The following OR1J2 variants were observed in gnomAD, a reference collection of about 807,000 sequenced individuals.
OR1J2 encodes the protein olfactory receptor family 1 subfamily J member 2, also known as olfactory receptor 1J2.
For missense variants in OR1J2, 304 were observed against 246.1 expected, an observed-to-expected ratio of 1.24 and a Z score of -1.57; for synonymous variants, 142 against 99.7, an observed-to-expected ratio of 1.42 and a Z score of -2.52.
the OR1J2 span, among the ~76,000 whole-genome samples, chr9:122,467,598 T>G: frequency 2.6e-5 from 4 of 152,292 alleles, no homozygotes; most frequent in African/African-American, 7.2e-5. Context: ...TACCTCTTAT[T>G]AAAATCCAGA....
At chr9:122,520,111 G>A in the OR1J2 span, 1 of 1,520,418 alleles carries the variant, frequency 6.6e-7, no homozygotes, top group Non-Finnish European at 9.0e-7. Flanking sequence ...ACAGACATAT[G>A]TACTGACCTA....
the OR1J2 span, among the ~76,000 whole-genome samples, chr9:122,454,538 C>T: frequency 6.6e-6 from 1 of 152,046 alleles, no homozygotes; most frequent in Non-Finnish European, 1.5e-5. Flanking sequence ...AGTCACCTTC[C>T]TTTCCAGGTA....
chr9:122,556,779 T>C, the OR1J2 span, among the ~76,000 whole-genome samples: 1 of 152,342 alleles, frequency 6.6e-6, no homozygotes, highest in Non-Finnish European at 1.5e-5. Flanking sequence ...TTTGTTGATA[T>C]CCACAAAGTA....
At chr9:122,508,575 A>G (rs962870718), upstream of OR1J2, among the ~76,000 whole-genome samples, 1 of 152,204 alleles carries the variant, frequency 6.6e-6, no homozygotes, top group Non-Finnish European at 1.5e-5. Context: ...AAATGCTTCC[A>G]ATGAGATAGC....
At chr9:122,463,063 T>A in the OR1J2 span, among the ~76,000 whole-genome samples, 2 of 152,024 alleles carry the variant, frequency 1.3e-5, no homozygotes, top group Non-Finnish European at 2.9e-5. Flanking sequence ...CACCAATTAT[T>A]CTTAGCTTTG....
chr9:122,554,637 T>C, the OR1J2 span, among the ~76,000 whole-genome samples: 4 of 152,230 alleles, frequency 2.6e-5, no homozygotes, highest in African/African-American at 9.6e-5. Context: ...AACAAGTCAA[T>C]TTATGCCTAT....
downstream of OR1J2, among the ~76,000 whole-genome samples, chr9:122,512,229 C>G (rs1452886638): frequency 6.6e-6 from 1 of 152,144 alleles, no homozygotes; most frequent in African/African-American, 2.4e-5. Flanking sequence ...GTATCATTTT[C>G]CTAAAGGTGC....
the OR1J2 span, among the ~76,000 whole-genome samples, chr9:122,492,599 A>G: frequency 1.3e-5 from 2 of 152,288 alleles, no homozygotes; most frequent in Middle Eastern, 3.4e-3. Context: ...TGTCTGAACT[A>G]ATTAACATTT....
the OR1J2 span, among the ~76,000 whole-genome samples, chr9:122,580,027 A>G: frequency 6.6e-6 from 1 of 152,310 alleles, no homozygotes; most frequent in African/African-American, 2.4e-5. Context: ...CAGCCCAACT[A>G]TCAGGAATCA....
chr9:122,467,454 C>T, the OR1J2 span, among the ~76,000 whole-genome samples: 1 of 152,176 alleles, frequency 6.6e-6, no homozygotes, highest in Non-Finnish European at 1.5e-5. Context: ...ACTCAACAGA[C>T]TCCCCCAATT....
the OR1J2 span, among the ~76,000 whole-genome samples, chr9:122,564,902 T>C: frequency 6.6e-6 from 1 of 152,222 alleles, no homozygotes; most frequent in Non-Finnish European, 1.5e-5. Context: ...CGACCACTTG[T>C]CCTTCCACAA....
chr9:122,579,456 C>T, the OR1J2 span, among the ~76,000 whole-genome samples: 1 of 152,102 alleles, frequency 6.6e-6, no homozygotes, highest in Admixed American at 6.5e-5. Flanking sequence ...GAATTGAAGT[C>T]ATTTCCTTGT....
the OR1J2 span, among the ~76,000 whole-genome samples, chr9:122,540,764 C>T: frequency 1.1e-4 from 17 of 152,282 alleles, no homozygotes; most frequent in African/African-American, 4.1e-4. Flanking sequence ...AAGGTTCTTC[C>T]ATTTGTTTGT....
chr9:122,490,926 A>G, the OR1J2 span, among the ~76,000 whole-genome samples: 1 of 152,294 alleles, frequency 6.6e-6, no homozygotes, highest in Admixed American at 6.5e-5. Context: ...GGCAGAGGAC[A>G]TGTTGGCAGA....
At chr9:122,484,206 G>A in the OR1J2 span, among the ~76,000 whole-genome samples, 2 of 152,240 alleles carry the variant, frequency 1.3e-5, no homozygotes, top group Admixed American at 1.3e-4. Context: ...TCTGTCGCCA[G>A]GCTGGAGTGC....
chr9:122,545,978 T>C, the OR1J2 span, among the ~76,000 whole-genome samples: 1 of 151,890 alleles, frequency 6.6e-6, no homozygotes, highest in African/African-American at 2.4e-5. Flanking sequence ...ATTGGGAGTG[T>C]CTATTATAGT....
chr9:122,577,658 G>A, the OR1J2 span, among the ~76,000 whole-genome samples: 560 of 152,182 alleles, frequency 3.7e-3, 2 homozygotes, highest in Middle Eastern at 0.014. Context: ...ATAATACCTA[G>A]TATTAACACT....
the OR1J2 span, among the ~76,000 whole-genome samples, chr9:122,502,348 A>C: frequency 6.6e-6 from 1 of 152,218 alleles, no homozygotes; most frequent in African/African-American, 2.4e-5. Flanking sequence ...AATGCAATTT[A>C]TACTGCTTCA....
chr9:122,519,864 G>A, the OR1J2 span: 10 of 1,614,090 alleles, frequency 6.2e-6, no homozygotes, highest in Admixed American at 5.0e-5. Flanking sequence ...GTCCACCTGT[G>A]GCTCTCACCT....
Sources: gnomAD v4.1 joint callset for allele counts (sites outside exome capture counted in the v4.1 genomes callset) on GRCh38, gnomAD v4.1.1 for gene constraint, MANE v1.5 for transcripts, NCBI Gene and HGNC (gene_info 2026-07-23, HGNC 2026-07-21) for gene names.